The following XG variants were observed in gnomAD, a reference collection of about 807,000 sequenced individuals.
XG encodes the protein Xg glycoprotein (Xg blood group).
Under a neutral mutation model 25.7 loss-of-function variants are expected in XG, and 24 were observed. That is an observed-to-expected ratio of 0.93 (90% confidence interval 0.68 to 1.31). The LOEUF is 1.31. Among genes scored for constraint, XG ranks in the 40% most tolerant of loss-of-function variants. XG has a pLI of 0.00. For missense variants in XG, 181 were observed against 187.6 expected (o/e 0.96, Z 0.21); for synonymous variants, 77 against 69.2 (o/e 1.11, Z -0.56).
chrX:2,798,516 A>G (rs2086906777), intron 7 of XG, among the ~76,000 whole-genome samples: 1 of 109,975 alleles, frequency 9.1e-6, no homozygotes, highest in Admixed American at 9.8e-5. Flanking sequence ...GATTACAAGC[A>G]TGTGCCACTA....
chrX:2,804,104 A>T (rs2086970783), intron 7 of XG, among the ~76,000 whole-genome samples: 1 of 112,258 alleles, frequency 8.9e-6, no homozygotes, highest in African/African-American at 3.2e-5. Flanking sequence ...CGGCCTCCCA[A>T]AGTGCTGGGA....
Position 2,787,929 on chromosome X carries a change from G to A in XG, c.191-1715G>A, listed in dbSNP as rs1261605860. 2.9e-5 allele frequency among the ~76,000 whole-genome samples: 3 copies of A among 101,761 alleles called. 1 individual carries two copies. The highest frequency in any genetic ancestry group is 2.1e-4 in the Admixed American group (2 of 9,518). The allele number at this position is 101,761 out of a possible 115,157, so 88.4% of individuals were successfully genotyped here. A position where few individuals can be genotyped will look rare whatever the true frequency, so the allele number is the denominator to read the frequency against. On this transcript the variant is annotated intron_variant, in intron 4 of 10. Transcript: ENST00000644266. ...TCTCAAAAAAAAAAAAAAAAAAAGA[G>A]AGTCTAGGCAGGGCATGGTGGTCCA...
chrX:2,780,425 T>TTA (rs1556369958), intron 3 of XG, among the ~76,000 whole-genome samples: 15 of 126,642 alleles, frequency 1.2e-4, no homozygotes, highest in South Asian at 2.6e-4. Context: ...TTTTTTTTTC[T>TTA]AAAAAAAAAA....
At chrX:2,786,016 G>A (rs151016950) in intron 4 of XG, among the ~76,000 whole-genome samples, 1,470 of 110,400 alleles carry the variant, frequency 0.013, 21 homozygotes, top group African/African-American at 0.045. Flanking sequence ...GCTTTCTCCG[G>A]ATGGCTCCAG....
intron 6 of XG, among the ~76,000 whole-genome samples, chrX:2,796,073 A>G (rs950419766): frequency 8.4e-5 from 9 of 107,724 alleles, no homozygotes; most frequent in Non-Finnish European, 3.8e-5. Context: ...ACATTTATAC[A>G]TATATAATTA....
intron 4 of XG, among the ~76,000 whole-genome samples, chrX:2,783,725 A>G (rs911524761): frequency 2.7e-5 from 3 of 113,072 alleles, no homozygotes; most frequent in Non-Finnish European, 3.7e-5. Flanking sequence ...CTGGAATCCC[A>G]GCACTTTGGG....
At chrX:2,766,833 G>A (rs1489735183) in intron 1 of XG, among the ~76,000 whole-genome samples, 1 of 152,072 alleles carries the variant, frequency 6.6e-6, no homozygotes, top group Admixed American at 6.6e-5. Flanking sequence ...CCAAAGTGCT[G>A]GGATTACAGG....
intron 1 of XG, among the ~76,000 whole-genome samples, chrX:2,752,620 A>C (rs992271776): frequency 7.2e-5 from 11 of 152,172 alleles, no homozygotes; most frequent in African/African-American, 2.7e-4. Context: ...CAAGCGTTTA[A>C]AAAATGACCT....
At chrX:2,809,324 G>A (rs1569041302) in intron 9 of XG, among the ~76,000 whole-genome samples, 2 of 111,694 alleles carry the variant, frequency 1.8e-5, no homozygotes, top group Non-Finnish European at 3.8e-5. Context: ...GAACCTTCAT[G>A]GGAAGGAGCC....
chrX:2,757,352 C>A (rs915477217), intron 1 of XG, among the ~76,000 whole-genome samples: 1 of 151,288 alleles, frequency 6.6e-6, no homozygotes, highest in African/African-American at 2.4e-5. Flanking sequence ...AATAGGAATG[C>A]CTGTTTCCAT....
At chrX:2,770,232 T>C (rs2050786993) in intron 1 of XG, among the ~76,000 whole-genome samples, 1 of 151,962 alleles carries the variant, frequency 6.6e-6, no homozygotes, top group African/African-American at 2.4e-5. Flanking sequence ...CCACATATTG[T>C]AGAATTCTAT....
chrX:2,757,339 A>G (rs1039479717), intron 1 of XG, among the ~76,000 whole-genome samples: 3 of 151,778 alleles, frequency 2.0e-5, no homozygotes, highest in African/African-American at 7.3e-5. Flanking sequence ...ATTTGGGCAC[A>G]AAAATAGGAA....
intron 1 of XG, among the ~76,000 whole-genome samples, chrX:2,766,619 T>C (rs773558644): frequency 1.0e-3 from 149 of 144,366 alleles, no homozygotes; most frequent in Middle Eastern, 3.9e-3. Context: ...GGCTGGAGTG[T>C]ACTGGTGTGA....
chrX:2,752,340 G>A lies in XG; in HGVS notation c.61+5G>A, dbSNP rs746698756. The A allele has an allele frequency of 1.9e-6, 3 of 1,613,010 alleles. No individual in the cohort carries two copies. In the South Asian group the frequency reaches 3.3e-5, roughly 18 times the overall value. Reference sequence around the variant, plus strand: ...GTTTTCTAATGCACGCCCGAGGTAAGAGGCATTTTGCTTTGAGGGAGATCT... The same window carrying A: ...GTTTTCTAATGCACGCCCGAGGTAAAAGGCATTTTGCTTTGAGGGAGATCT... On this transcript the variant is annotated splice_donor_5th_base_variant and intron_variant, in intron 1 of 10. Coordinates refer to ENST00000644266, the MANE Select transcript of XG (RefSeq NM_001141919.2).
chrX:2,795,832 A>G (rs1198509922), intron 6 of XG, among the ~76,000 whole-genome samples: 1 of 109,657 alleles, frequency 9.1e-6, no homozygotes, highest in African/African-American at 3.3e-5. Context: ...TAACTTTTGT[A>G]TTTTTAGTAG....
At chrX:2,754,835 C>T in intron 1 of XG, among the ~76,000 whole-genome samples, 1 of 152,308 alleles carries the variant, frequency 6.6e-6, no homozygotes, top group East Asian at 1.9e-4. Flanking sequence ...GTGGGTCCGC[C>T]CCTTCCAGTC....
intron 7 of XG, among the ~76,000 whole-genome samples, chrX:2,803,699 C>T (rs758558030): frequency 9.0e-6 from 1 of 110,860 alleles, no homozygotes; most frequent in South Asian, 3.9e-4. Flanking sequence ...GCTGATCCAT[C>T]CAGTGCAGAG....
At chrX:2,769,815 T>C (rs2050774031) in intron 1 of XG, among the ~76,000 whole-genome samples, 1 of 152,216 alleles carries the variant, frequency 6.6e-6, no homozygotes, top group South Asian at 2.1e-4. Context: ...TTCCTGACCC[T>C]GTATTTGTCA....
At chrX:2,773,445 G>A (rs930877114) in intron 2 of XG, among the ~76,000 whole-genome samples, 3 of 144,050 alleles carry the variant, frequency 2.1e-5, no homozygotes, top group Admixed American at 7.0e-5. Flanking sequence ...AAAGGAGGGT[G>A]GGGAGGAAGG....
Sources: gnomAD v4.1 joint callset for allele counts (sites outside exome capture counted in the v4.1 genomes callset) on GRCh38, gnomAD v4.1.1 for gene constraint, MANE v1.5 for transcripts, NCBI Gene and HGNC (gene_info 2026-07-23, HGNC 2026-07-21) for gene names.